Variants in PRKN observed in about 807,000 individuals in gnomAD.
PRKN encodes parkin RBR E3 ubiquitin protein ligase.
PRKN carries 56 observed loss-of-function variants against 59.5 expected under a neutral mutation model. That is an observed-to-expected ratio of 0.94 (90% CI 0.76 to 1.18). The LOEUF (loss-of-function observed/expected upper bound fraction) is 1.18, where lower values mean the gene tolerates loss of function less well. Among genes scored for constraint, PRKN ranks in the 50% most tolerant of loss-of-function variants. PRKN has a pLI of 0.00. For synonymous variants in PRKN, 250 were observed against 222.1 expected (o/e 1.13, Z -1.12); for missense variants, 657 against 596.4 (o/e 1.10, Z -1.06).
chr6:161,913,570 T>A lies in PRKN; in HGVS notation c.734+59732A>T, dbSNP rs117727537. Among the ~76,000 whole-genome samples the A allele has an allele frequency of 9.9e-5, 15 of 151,968 alleles. No homozygotes were observed. In the South Asian group the frequency reaches 2.5e-3, roughly 25 times the overall value. On this transcript the variant is annotated intron_variant, in intron 6 of 11. Transcript: ENST00000366898. The stretch of plus-strand genomic sequence containing the variant: ...TAAAAAGCAATAACCAGAATGGAGG[T>A]GATGTGAGGCTCATGAACCACTTGT...
chr6:161,883,644 A>G (rs971472974), intron 6 of PRKN, among the ~76,000 whole-genome samples: 1 of 151,880 alleles, frequency 6.6e-6, no homozygotes, highest in Non-Finnish European at 1.5e-5. Context: ...TTATTAATTT[A>G]TTTTTATTTT....
chr6:161,705,586 G>A (rs1488999582), intron 7 of PRKN, among the ~76,000 whole-genome samples: 1 of 152,086 alleles, frequency 6.6e-6, no homozygotes, highest in African/African-American at 2.4e-5. Context: ...ATAAACGGTA[G>A]GTCCTTGATA....
intron 7 of PRKN, among the ~76,000 whole-genome samples, chr6:161,739,765 T>C (rs1788112109): frequency 6.6e-6 from 1 of 152,050 alleles, no homozygotes; most frequent in Non-Finnish European, 1.5e-5. Flanking sequence ...GTTTCTTTTC[T>C]TTTTTTTGAG....
At chr6:161,977,539 T>C (rs1781080969) in intron 5 of PRKN, among the ~76,000 whole-genome samples, 2 of 102,766 alleles carry the variant, frequency 1.9e-5, no homozygotes, top group South Asian at 6.9e-4. Context: ...TTCTGTTTTT[T>C]TGGTTTTTTT....
At position 161,495,689 on chromosome 6, in the gene PRKN, G is replaced by A. The variant is rs151072457; in HGVS notation, c.1083+53165C>T. Among the ~76,000 whole-genome samples, 346 of 152,354 alleles carry A rather than the reference G, an allele frequency of 2.3e-3. 2 individuals carry two copies. Among genetic ancestry groups the A allele is most frequent in the African/African-American group, 8.2e-3 (339 of 41,584 alleles). ...CTTCTGTTTCCTTACCACAGAGCCA[G>A]CCATGGGGACCATGTCCTGAGAGAA... On this transcript the variant is annotated intron_variant, in intron 9 of 11. Transcript: ENST00000366898.
chr6:161,880,499 T>A lies in PRKN; in HGVS notation c.734+92803A>T, dbSNP rs929764184. Among the ~76,000 whole-genome samples, 5 of 152,132 alleles carry A rather than the reference T, an allele frequency of 3.3e-5. 1 individual carries two copies. The highest frequency in any genetic ancestry group is 3.3e-4 in the Admixed American group (5 of 15,268). On this transcript the variant is annotated intron_variant, in intron 6 of 11. Coordinates refer to ENST00000366898, the MANE Select transcript of PRKN (RefSeq NM_004562.3). ...TTATTTTTCCCCCACAGTATTAGGGTATTCTTCTCCGCAAGTGGGATATGA... is the reference window on the plus strand; with the variant it reads ...TTATTTTTCCCCCACAGTATTAGGGAATTCTTCTCCGCAAGTGGGATATGA...
At chr6:162,054,338 A>T (rs1050072208) in intron 4 of PRKN, among the ~76,000 whole-genome samples, 164 bp from the exon 5 acceptor site, 86 of 152,304 alleles carry the variant, frequency 5.6e-4, no homozygotes, top group African/African-American at 2.1e-3. Context: ...GACCCTTTCA[A>T]GGGATGTGCT....
At chr6:161,597,334 G>A (rs1781950840) in intron 7 of PRKN, among the ~76,000 whole-genome samples, 1 of 152,184 alleles carries the variant, frequency 6.6e-6, no homozygotes, top group South Asian at 2.1e-4. Flanking sequence ...AAAGGAAGCT[G>A]TGCTCCATGA....
intron 1 of PRKN, among the ~76,000 whole-genome samples, chr6:162,489,773 G>A (rs1792720656): frequency 6.6e-6 from 1 of 152,114 alleles, no homozygotes; most frequent in Non-Finnish European, 1.5e-5. Context: ...CCTGAAGGAT[G>A]TGCTGTCCGT....
Position 162,060,895 on chromosome 6 carries a change from T to C in PRKN, c.535-6721A>G, listed in dbSNP as rs117518498. Among the ~76,000 whole-genome samples the C allele has an allele frequency of 6.5e-3, 995 of 152,374 alleles. 5 individuals carry two copies. The highest frequency in any genetic ancestry group is 0.011 in the Non-Finnish European group (778 of 68,042). On this transcript the variant is annotated intron_variant, in intron 4 of 11. Coordinates refer to ENST00000366898, the MANE Select transcript of PRKN (RefSeq NM_004562.3). ...GTCATCGAATATGAAGGATTTCAAA[T>C]ATTCTCTTGAATAATCCACAAACAT...
intron 7 of PRKN, among the ~76,000 whole-genome samples, chr6:161,609,732 C>G (rs1019345505): frequency 6.6e-6 from 1 of 152,120 alleles, no homozygotes; most frequent in Non-Finnish European, 1.5e-5. Context: ...GATCTACTAA[C>G]AGGCAGGTTT....
At chr6:162,326,242 T>C (rs567969469) in intron 2 of PRKN, among the ~76,000 whole-genome samples, 64 of 152,194 alleles carry the variant, frequency 4.2e-4, no homozygotes, top group African/African-American at 1.1e-3. Context: ...AATCATAAAG[T>C]AGAAAGAATT....
intron 6 of PRKN, among the ~76,000 whole-genome samples, chr6:161,845,958 A>G (rs552099746): frequency 6.6e-6 from 1 of 152,316 alleles, no homozygotes; most frequent in African/African-American, 2.4e-5. Context: ...GGTTATTAAT[A>G]TCAATTGGAG....
intron 2 of PRKN, among the ~76,000 whole-genome samples, chr6:162,272,869 G>A (rs998832233): frequency 6.6e-6 from 1 of 151,502 alleles, no homozygotes; most frequent in African/African-American, 2.4e-5. Flanking sequence ...GTGGTTGTGC[G>A]TGCCTGTAAT....
chr6:161,847,794 A>G (rs1160151022), intron 6 of PRKN, among the ~76,000 whole-genome samples: 1 of 152,232 alleles, frequency 6.6e-6, no homozygotes, highest in Non-Finnish European at 1.5e-5. Flanking sequence ...AACCCTAGGC[A>G]TAGGACTGGG....
intron 9 of PRKN, among the ~76,000 whole-genome samples, chr6:161,539,695 G>C (rs1233138228): frequency 6.6e-6 from 1 of 152,114 alleles, no homozygotes; most frequent in South Asian, 2.1e-4. Context: ...ATTCTAGAAG[G>C]TTATAAACTG....
chr6:162,399,503 G>A (rs1200387529), intron 2 of PRKN, among the ~76,000 whole-genome samples: 4 of 152,092 alleles, frequency 2.6e-5, no homozygotes, highest in Non-Finnish European at 5.9e-5. Flanking sequence ...ACATGTCCAT[G>A]AAACCCAAGT....
At chr6:161,865,277 C>T (rs147959339) in intron 6 of PRKN, among the ~76,000 whole-genome samples, 1 of 152,098 alleles carries the variant, frequency 6.6e-6, no homozygotes, top group African/African-American at 2.4e-5. Context: ...TTTGTTGTTC[C>T]CTTTATAGAG....
intron 2 of PRKN, among the ~76,000 whole-genome samples, chr6:162,419,737 C>CAG (rs955141223): frequency 1.7e-4 from 25 of 151,056 alleles, no homozygotes; most frequent in South Asian, 6.3e-4. Flanking sequence ...CCTATAATGA[C>CAG]AGAGAGAGAG....
Sources: allele counts gnomAD v4.1 joint callset (sites outside exome capture counted in the v4.1 genomes callset), GRCh38; gene constraint gnomAD v4.1.1; transcripts MANE v1.5; gene names NCBI Gene and HGNC (gene_info 2026-07-23, HGNC 2026-07-21).